CD38: variants seen among roughly 807,000 people sequenced by gnomAD.
The protein encoded by CD38 is CD38 molecule, also known as ADP-ribosyl cyclase/cyclic ADP-ribose hydrolase 1.
Under a neutral mutation model 36.3 loss-of-function variants are expected in CD38, and 31 were observed. That is an observed-to-expected ratio of 0.85 (90% CI 0.64 to 1.15). The LOEUF is 1.15. CD38 is among the 50% of genes most tolerant of loss of function. The pLI is 0.00. For missense variants in CD38, 380 were observed against 371.9 expected (o/e 1.02, Z -0.18); for synonymous variants, 131 against 135.2 (o/e 0.97, Z 0.22).
At chr4:15,790,553 T>C (rs529828024) in intron 1 of CD38, among the ~76,000 whole-genome samples, 125 of 152,184 alleles carry the variant, frequency 8.2e-4, no homozygotes, top group African/African-American at 3.0e-3. Flanking sequence ...CCGCCTGCCT[T>C]GGCCCCCCAA....
chr4:15,809,095 G>A (rs1723408395), intron 1 of CD38, among the ~76,000 whole-genome samples: 2 of 152,246 alleles, frequency 1.3e-5, no homozygotes, highest in Admixed American at 1.3e-4. Context: ...GATCCAATGA[G>A]ATGCCTGTAA....
intron 3 of CD38, among the ~76,000 whole-genome samples, chr4:15,826,915 G>A (rs1381915450): frequency 1.3e-5 from 2 of 152,048 alleles, no homozygotes; most frequent in African/African-American, 4.8e-5. Flanking sequence ...TACATAAATG[G>A]TAGATTTTCT....
At chr4:15,815,513 C>G (rs1193185205) in intron 1 of CD38, among the ~76,000 whole-genome samples, 1 of 151,922 alleles carries the variant, frequency 6.6e-6, no homozygotes, top group African/African-American at 2.4e-5. Context: ...GTATTTTATT[C>G]TCTTTGTAGC....
At chr4:15,796,737 A>G (rs2148917461) in intron 1 of CD38, among the ~76,000 whole-genome samples, 1 of 152,130 alleles carries the variant, frequency 6.6e-6, no homozygotes, top group Middle Eastern at 3.4e-3. Context: ...ATATCCATAT[A>G]TTTTTCCACA....
intron 1 of CD38, among the ~76,000 whole-genome samples, chr4:15,782,702 A>C (rs1722725669): frequency 6.6e-6 from 1 of 152,212 alleles, no homozygotes; most frequent in African/African-American, 2.4e-5. Context: ...TTGAGCATAG[A>C]AACTGTTAAT....
chr4:15,786,197 C>T (rs1015771220), intron 1 of CD38, among the ~76,000 whole-genome samples: 8 of 152,186 alleles, frequency 5.3e-5, no homozygotes, highest in Admixed American at 2.0e-4. Flanking sequence ...AAGTGTAGAA[C>T]GGGACGCCAA....
In CD38 at chr4:15,821,883, AAAAG is replaced by A. The variant is rs538219590; in HGVS notation, c.364-2986_364-2983del. ...AAAAACTGGCAGAGATTTAAAAAAA[AAAAG>A]AAAGAAAGAAAACTTCAGGCCAATA... On this transcript the variant is annotated intron_variant, in intron 2 of 7. Coordinates refer to ENST00000226279, the MANE Select transcript of CD38 (RefSeq NM_001775.4). 1.4e-4 allele frequency among the ~76,000 whole-genome samples: 22 copies of A among 152,104 alleles called. 1 individual carries two copies. The East Asian group carries it at 2.5e-3, about 17-fold the overall frequency.
intron 5 of CD38, among the ~76,000 whole-genome samples, chr4:15,838,708 G>T (rs1724130437): frequency 6.6e-6 from 1 of 152,158 alleles, no homozygotes. Context: ...TACTGTAGTG[G>T]TTGAAAGCAG....
chr4:15,824,676 C>T (rs1026596868), intron 2 of CD38, among the ~76,000 whole-genome samples: 1 of 132,980 alleles, frequency 7.5e-6, no homozygotes, highest in Non-Finnish European at 1.6e-5. Context: ...TACATTGTGA[C>T]CTAGAACACA....
At chr4:15,832,427 C>T (rs1032042104) in intron 3 of CD38, among the ~76,000 whole-genome samples, 3 of 152,152 alleles carry the variant, frequency 2.0e-5, no homozygotes, top group Admixed American at 2.0e-4. Context: ...TTTTGAAGGA[C>T]TCGGATGTTG....
intron 1 of CD38, among the ~76,000 whole-genome samples, chr4:15,799,957 G>A (rs181940433): frequency 1.1e-4 from 17 of 152,272 alleles, no homozygotes; most frequent in East Asian, 3.9e-4. Context: ...AACAGTGGGC[G>A]TTAATAAACA....
chr4:15,838,288 A>C, intron 5 of CD38, 123 bp downstream of exon 5: 1 of 768,278 alleles, frequency 1.3e-6, no homozygotes, highest in Non-Finnish European at 2.1e-6. Context: ...AGGGCCAAAA[A>C]AGGTAAAAAT....
rs766184683 is a variant in CD38, at chr4:15,786,966, C to T, written c.233+8319C>T. On this transcript the variant is annotated intron_variant, in intron 1 of 7. Coordinates refer to ENST00000226279, the MANE Select transcript of CD38 (RefSeq NM_001775.4). ...GGGGGACTTGGCACACCCTCCACAG[C>T]TGCTGGCCTGGGTGCTAAGCCCTTC... 1.6e-4 allele frequency among the ~76,000 whole-genome samples: 24 copies of T among 152,386 alleles called. No individual in the cohort carries two copies. In the South Asian group the frequency reaches 2.1e-3, roughly 13 times the overall value.
chr4:15,804,168 T>C (rs1232099984), intron 1 of CD38, among the ~76,000 whole-genome samples: 1 of 152,192 alleles, frequency 6.6e-6, no homozygotes. Flanking sequence ...CTGTGGGCCA[T>C]ATACCCAGTA....
At chr4:15,807,352 A>G (rs1314425595) in intron 1 of CD38, among the ~76,000 whole-genome samples, 1 of 152,204 alleles carries the variant, frequency 6.6e-6, no homozygotes, top group Non-Finnish European at 1.5e-5. Flanking sequence ...CACTCCTATC[A>G]GCTATGATAA....
At chr4:15,791,579 G>T (rs1722991808) in intron 1 of CD38, among the ~76,000 whole-genome samples, 1 of 96,542 alleles carries the variant, frequency 1.0e-5, no homozygotes, top group East Asian at 2.9e-4. Flanking sequence ...AGGGAGGTGG[G>T]GGGGTCAGCC....
At chr4:15,797,286 A>G (rs1362640943) in intron 1 of CD38, among the ~76,000 whole-genome samples, 1 of 152,224 alleles carries the variant, frequency 6.6e-6, no homozygotes, top group Admixed American at 6.5e-5. Flanking sequence ...CCATGCTAAT[A>G]TATAAACTCT....
intron 7 of CD38, 98 bp from the exon 8 acceptor site, chr4:15,848,441 C>A: frequency 1.2e-6 from 1 of 803,874 alleles, no homozygotes; most frequent in East Asian, 2.6e-5. Flanking sequence ...GGTCTGTGCA[C>A]CTTGTCGTCG....
intron 7 of CD38, among the ~76,000 whole-genome samples, chr4:15,843,367 T>A: frequency 5.8e-5 from 3 of 51,290 alleles, no homozygotes; most frequent in Admixed American, 2.5e-4. Context: ...TGCTGAGAGA[T>A]TTTGTCACCA....
Sources: allele counts gnomAD v4.1 joint callset (sites outside exome capture counted in the v4.1 genomes callset), GRCh38; gene constraint gnomAD v4.1.1; transcripts MANE v1.5; gene names NCBI Gene and HGNC (gene_info 2026-07-23, HGNC 2026-07-21).